Variants in TANGO6 observed in about 807,000 individuals in gnomAD.
TANGO6 encodes the protein transport and golgi organization 6 homolog.
In TANGO6, 90 loss-of-function variants were observed where a neutral mutation model predicts 114.2. That is an observed-to-expected ratio of 0.79 (90% CI 0.66 to 0.94). The LOEUF (loss-of-function observed/expected upper bound fraction) is 0.94, where lower values mean the gene tolerates loss of function less well. Ranked by LOEUF, TANGO6 falls within the 40% of genes least tolerant of loss-of-function variation. TANGO6 has a pLI of 0.00. For missense variants in TANGO6, 1,274 were observed against 1,315.3 expected (o/e 0.97, Z 0.49); for synonymous variants, 477 against 509.8 (o/e 0.94, Z 0.87).
chr16:69,036,783 C>T (rs1959694289), intron 16 of TANGO6, among the ~76,000 whole-genome samples: 1 of 151,776 alleles, frequency 6.6e-6, no homozygotes, highest in Non-Finnish European at 1.5e-5. Flanking sequence ...GGCAACATGG[C>T]AAAACTCCAT....
At chr16:68,972,020 GAACTAC>G (rs1234093566) in intron 14 of TANGO6, among the ~76,000 whole-genome samples, 2 of 152,046 alleles carry the variant, frequency 1.3e-5, no homozygotes, top group Non-Finnish European at 2.9e-5. Context: ...ATAATAGAGT[GAACTAC>G]AACTACAGTG....
intron 15 of TANGO6, among the ~76,000 whole-genome samples, chr16:69,002,256 A>C (rs1964050993): frequency 6.6e-6 from 1 of 152,158 alleles, no homozygotes; most frequent in African/African-American, 2.4e-5. Context: ...GAGAAGAAAA[A>C]CAAACCAAAA....
intron 13 of TANGO6, 86 bp from the exon 14 acceptor site, chr16:68,930,152 T>A: frequency 8.5e-7 from 1 of 1,171,156 alleles, no homozygotes; most frequent in Non-Finnish European, 1.2e-6. Context: ...GCGAAGCATT[T>A]ACTCCTTTGA....
At chr16:69,022,494 G>C (rs772196993) in intron 15 of TANGO6, among the ~76,000 whole-genome samples, 1 of 151,956 alleles carries the variant, frequency 6.6e-6, no homozygotes, top group African/African-American at 2.4e-5. Context: ...GCTTGAGCCC[G>C]GGAGTTCAAG....
chr16:69,023,206 A>G (rs896848457), intron 16 of TANGO6, among the ~76,000 whole-genome samples: 2 of 152,178 alleles, frequency 1.3e-5, no homozygotes, highest in Non-Finnish European at 2.9e-5. Flanking sequence ...CTGTAATCCC[A>G]GCACTTTGGG....
chr16:68,940,176 T>C (rs187335659), intron 14 of TANGO6, among the ~76,000 whole-genome samples: 106 of 151,680 alleles, frequency 7.0e-4, no homozygotes, highest in Non-Finnish European at 9.9e-4. Flanking sequence ...TCTTCCTTCC[T>C]TCCTTCCTTC....
chr16:69,067,179 G>A (rs1960225203), intron 17 of TANGO6, among the ~76,000 whole-genome samples: 1 of 152,156 alleles, frequency 6.6e-6, no homozygotes, highest in South Asian at 2.1e-4. Context: ...TCATAGGTAT[G>A]AGCTACTGTG....
intron 17 of TANGO6, among the ~76,000 whole-genome samples, chr16:69,043,204 C>A (rs909552099): frequency 6.6e-6 from 1 of 151,598 alleles, no homozygotes; most frequent in Non-Finnish European, 1.5e-5. Flanking sequence ...TCAGTCTGGG[C>A]GACAGAGAGA....
At chr16:68,996,842 T>C (rs1446705556) in intron 15 of TANGO6, among the ~76,000 whole-genome samples, 1 of 152,142 alleles carries the variant, frequency 6.6e-6, no homozygotes, top group East Asian at 1.9e-4. Flanking sequence ...TTCAACTAGT[T>C]AGATTACAGG....
At chr16:68,903,261 T>TA (rs1962807137) in intron 9 of TANGO6, among the ~76,000 whole-genome samples, 1 of 152,096 alleles carries the variant, frequency 6.6e-6, no homozygotes, top group South Asian at 2.1e-4. Context: ...GAAAAACACA[T>TA]AGATTGCAAA....
chr16:68,929,678 T>G (rs1963215780), intron 13 of TANGO6, among the ~76,000 whole-genome samples: 1 of 152,242 alleles, frequency 6.6e-6, no homozygotes, highest in East Asian at 1.9e-4. Flanking sequence ...ATACCCCTGA[T>G]AGGTTCCTAA....
intron 3 of TANGO6, 94 bp from the exon 4 acceptor site, chr16:68,866,975 CTTTTTTTTTT>C (rs536677611): frequency 1.0e-4 from 23 of 227,110 alleles, no homozygotes; most frequent in Middle Eastern, 1.9e-3. Flanking sequence ...GCTATTTCTC[CTTTTTTTTTT>C]TTTTTTTTTT....
chr16:69,066,600 C>T (rs2152241767), intron 17 of TANGO6, among the ~76,000 whole-genome samples: 1 of 152,148 alleles, frequency 6.6e-6, no homozygotes, highest in Middle Eastern at 3.4e-3. Context: ...CCCGGACTTC[C>T]CCTCCTATTC....
intron 17 of TANGO6, among the ~76,000 whole-genome samples, chr16:69,072,083 C>CGTGTGTGTGTGT (rs142254866): frequency 4.6e-5 from 3 of 65,060 alleles, no homozygotes; most frequent in African/African-American, 1.9e-4. Context: ...AGAGGGAGAC[C>CGTGTGTGTGTGT]GTGTGTGTGT....
rs922474612 is a variant in TANGO6, at chr16:68,907,999, C to T, written c.1800+424C>T. ...TTTAGCAATTCTGCCTCCTTCATTT[C>T]ATTTTGCAGGCACTTGAAGCCTTTT... On this transcript the variant is annotated intron_variant, in intron 10 of 17. Coordinates refer to ENST00000261778, the MANE Select transcript of TANGO6 (RefSeq NM_024562.2). 2.0e-5 allele frequency among the ~76,000 whole-genome samples: 3 copies of T among 152,138 alleles called. No homozygotes were observed. In the South Asian group the frequency reaches 6.2e-4, roughly 31 times the overall value.
At chr16:68,853,050 A>G (rs1226716409) in intron 1 of TANGO6, among the ~76,000 whole-genome samples, 1 of 152,190 alleles carries the variant, frequency 6.6e-6, no homozygotes, top group Non-Finnish European at 1.5e-5. Context: ...GCATTGTAAC[A>G]TTAACTAGAG....
rs777142411 is a variant in TANGO6, at chr16:68,990,398, C to A, written c.2842+16230C>A. On this transcript the variant is annotated intron_variant, in intron 15 of 17. Transcript: ENST00000261778. ...TGAGAACCAAGCGACAGGGGTTTCC[C>A]TTTATCAGATCTCATGAGACTTACT... is the stretch of plus-strand genomic sequence containing the variant. Among the ~76,000 whole-genome samples, 7 of 152,258 alleles carry A rather than the reference C, an allele frequency of 4.6e-5. No homozygotes were observed. In the Middle Eastern group the frequency reaches 0.014, roughly 296 times the overall value.
chr16:68,984,050 A>G (rs918123811), intron 15 of TANGO6, among the ~76,000 whole-genome samples: 1 of 151,960 alleles, frequency 6.6e-6, no homozygotes, highest in Non-Finnish European at 1.5e-5. Flanking sequence ...AAAAAAAAAA[A>G]AAAAGAAAAA....
At chr16:68,870,829 G>C (rs548499998) in intron 4 of TANGO6, among the ~76,000 whole-genome samples, 1 of 148,810 alleles carries the variant, frequency 6.7e-6, no homozygotes, top group Admixed American at 6.7e-5. Flanking sequence ...ACGGAATTTC[G>C]CTCTTGTTGC....
Sources: allele counts gnomAD v4.1 joint callset (sites outside exome capture counted in the v4.1 genomes callset), GRCh38; gene constraint gnomAD v4.1.1; transcripts MANE v1.5; gene names NCBI Gene and HGNC (gene_info 2026-07-23, HGNC 2026-07-21).